UNC79: variants seen among roughly 807,000 people sequenced by gnomAD.
UNC79 encodes the protein protein unc-79 homolog.
In UNC79, 37 loss-of-function variants were observed where a neutral mutation model predicts 283.1. The observed-to-expected ratio is 0.13, with a 90% CI of 0.10 to 0.17. UNC79 has a LOEUF of 0.17. Among genes scored for constraint, UNC79 ranks in the 10% least tolerant of loss-of-function variants. UNC79 has a pLI of 1.00. For synonymous variants in UNC79, 1,107 were observed against 1,200.2 expected (o/e 0.92, Z 1.61); for missense variants, 2,272 against 3,211.1 (o/e 0.71, Z 7.07).
At chr14:93,347,194 A>G (rs1392203422) in intron 1 of UNC79, 3 of 1,486,016 alleles carry the variant, frequency 2.0e-6, no homozygotes, top group Non-Finnish European at 2.7e-6. Flanking sequence ...CTGCCTCACG[A>G]GCACTGGAGC....
At chr14:93,443,497 C>T (rs1012266943) in intron 1 of UNC79, among the ~76,000 whole-genome samples, 2 of 149,500 alleles carry the variant, frequency 1.3e-5, no homozygotes, top group Admixed American at 6.7e-5. Flanking sequence ...AATCTCAGCT[C>T]GCTGCAACCT....
At position 93,634,513 on chromosome 14, in the gene UNC79, C is replaced by T; in HGVS notation, c.5717-2703C>T. On this transcript the variant is annotated intron_variant, in intron 31 of 48. Coordinates refer to ENST00000555664, the Ensembl canonical transcript of UNC79. ...TATTATAATCATCTCCTAATTTCCT[C>T]CATCTAGCTCAGTATAGGCAGATGA... 6.3e-7 allele frequency: 1 copy of T among 1,597,634 alleles called. No homozygotes were observed. Among genetic ancestry groups the T allele is most frequent in the Non-Finnish European group, 8.6e-7 (1 of 1,165,782 alleles).
intron 1 of UNC79, among the ~76,000 whole-genome samples, chr14:93,390,900 TA>T (rs1276912193): frequency 1.3e-5 from 2 of 152,166 alleles, no homozygotes; most frequent in Admixed American, 1.3e-4. Context: ...TCTGTAGATT[TA>T]AAAAAATCCC....
chr14:93,610,835 TC>T (rs1305774401), intron 26 of UNC79, among the ~76,000 whole-genome samples: 3 of 152,192 alleles, frequency 2.0e-5, no homozygotes, highest in Middle Eastern at 3.2e-3. Flanking sequence ...GGTCTCAAAC[TC>T]CTGGGCTCAA....
At chr14:93,583,397 G>A (rs2063962118) in intron 20 of UNC79, among the ~76,000 whole-genome samples, 1 of 152,168 alleles carries the variant, frequency 6.6e-6, no homozygotes, top group African/African-American at 2.4e-5. Context: ...CATGGGCTTG[G>A]CATCATTTCT....
At chr14:93,345,378 A>G (rs552724666) in intron 1 of UNC79, among the ~76,000 whole-genome samples, 1 of 152,356 alleles carries the variant, frequency 6.6e-6, no homozygotes, top group African/African-American at 2.4e-5. Flanking sequence ...ACCAAGGATC[A>G]TAAGATACTT....
chr14:93,528,656 A>G lies in UNC79; in HGVS notation c.1052+10A>G, dbSNP rs75562794. The G allele has an allele frequency of 6.1e-4, 979 of 1,612,234 alleles. 1 individual carries two copies. The highest frequency in any genetic ancestry group is 7.3e-4 in the Non-Finnish European group (860 of 1,178,844). ...GCGAGAGGATTGCAGGGTAGGTATA[A>G]GAGTTCTTAAAGAAAAGGAAATAGG... On this transcript the variant is annotated intron_variant, in intron 9 of 48. Transcript: ENST00000555664.
chr14:93,640,980 T>C (rs1307349234), intron 32 of UNC79, among the ~76,000 whole-genome samples, 165 bp from the exon 36 acceptor site: 2 of 152,206 alleles, frequency 1.3e-5, no homozygotes, highest in African/African-American at 2.4e-5. Flanking sequence ...ACAATCTTTC[T>C]TGACTTCATT....
Position 93,333,564 on chromosome 14 carries a change from T to C in UNC79, c.-351+41T>C, listed in dbSNP as rs2053503488. 1.0e-5 allele frequency: 4 copies of C among 396,826 alleles called. No homozygotes were observed. The East Asian group carries it at 1.4e-4, about 14-fold the overall frequency. 24.6% of individuals were successfully genotyped at this position (396,826 alleles called of 1,614,324 possible). A position where few individuals can be genotyped will look rare whatever the true frequency, so the allele number is the denominator to read the frequency against. On this transcript the variant is annotated intron_variant, in intron 1 of 49. Coordinates refer to the UNC79 transcript ENST00000256339. ...CATGGTACTTTTACAGGCACCACCT[T>C]GCTACTTGTGTAGTAGGTTAAAAAA... is the stretch of plus-strand genomic sequence containing the variant.
chr14:93,639,396 AT>A (rs2068814882), intron 32 of UNC79, among the ~76,000 whole-genome samples: 1 of 152,146 alleles, frequency 6.6e-6, no homozygotes, highest in Non-Finnish European at 1.5e-5. Flanking sequence ...TTACCGTGCT[AT>A]TTAGTAATCA....
intron 2 of UNC79, among the ~76,000 whole-genome samples, chr14:93,473,877 G>C (rs1294715278): frequency 6.6e-6 from 1 of 152,166 alleles, no homozygotes; most frequent in East Asian, 1.9e-4. Context: ...GAGATGCAAT[G>C]AGACTTCCAC....
chr14:93,358,596 C>G (rs904689849), intron 1 of UNC79, among the ~76,000 whole-genome samples: 1 of 152,158 alleles, frequency 6.6e-6, no homozygotes, highest in Non-Finnish European at 1.5e-5. Context: ...GACCCTGCAA[C>G]TTGGAATGGG....
intron 5 of UNC79, among the ~76,000 whole-genome samples, chr14:93,494,456 T>G (rs1322931840): frequency 6.6e-6 from 1 of 152,228 alleles, no homozygotes; most frequent in Non-Finnish European, 1.5e-5. Flanking sequence ...TCTTGAGATC[T>G]GTTTCAGACG....
At chr14:93,381,748 T>C (rs568899368) in intron 1 of UNC79, among the ~76,000 whole-genome samples, 1 of 152,336 alleles carries the variant, frequency 6.6e-6, no homozygotes, top group East Asian at 1.9e-4. Flanking sequence ...CGGGAACTGC[T>C]GGTGTATGAA....
chr14:93,613,100 C>T lies in UNC79; in HGVS notation c.4041+17C>T, dbSNP rs188588374. 41 of 1,613,036 alleles carry T rather than the reference C, an allele frequency of 2.5e-5. No individual in the cohort carries two copies. The African/African-American group carries it at 3.3e-4, about 13-fold the overall frequency. On this transcript the variant is annotated intron_variant, in intron 27 of 48. Coordinates refer to ENST00000555664, the Ensembl canonical transcript of UNC79. ...ATTGCCCAAGTAAGTGTAATAACAG[C>T]TTTCAGAAGTCACACCTTTATACTT... is the stretch of plus-strand genomic sequence containing the variant.
chr14:93,572,193 AT>A, intron 15 of UNC79, 109 bp downstream of exon 15: 1 of 1,201,760 alleles, frequency 8.3e-7, no homozygotes, highest in Non-Finnish European at 1.1e-6. Context: ...AATCTCATTT[AT>A]TTTTTAACCA....
chr14:93,392,814 C>T (rs540268369), intron 1 of UNC79, among the ~76,000 whole-genome samples: 5 of 152,078 alleles, frequency 3.3e-5, no homozygotes, highest in Admixed American at 2.6e-4. Flanking sequence ...CTAATATGTT[C>T]GTGAAGAAAT....
chr14:93,480,660 C>A (rs907750920), intron 4 of UNC79, among the ~76,000 whole-genome samples: 4 of 152,126 alleles, frequency 2.6e-5, no homozygotes, highest in African/African-American at 9.7e-5. Context: ...AGACATAGAT[C>A]CAAAACCAGA....
At position 93,622,679 on chromosome 14, in the gene UNC79, G is replaced by C; in HGVS notation, c.5446G>C (p.Glu1816Gln). Residue 1816 changes from glutamate (E) to glutamine (Q), a missense_variant, in exon 30 of 49, where the codon GAA becomes CAA. Glu to Gln is a conservative substitution (Grantham distance 29). Coordinates refer to ENST00000555664, the Ensembl canonical transcript of UNC79. The stretch of plus-strand genomic sequence containing the variant: ...AGAATCTGATACAGAACAGAATCCT[G>C]AAAGGAAGGTGGAAGAGGATGGAGC... 6.2e-7 allele frequency: 1 copy of C among 1,614,180 alleles called. No individual in the cohort carries two copies. Among genetic ancestry groups the C allele is most frequent in the Admixed American group, 1.7e-5 (1 of 60,022 alleles).
Sources: gnomAD v4.1 joint callset for allele counts (sites outside exome capture counted in the v4.1 genomes callset) on GRCh38, gnomAD v4.1.1 for gene constraint, MANE v1.5 for transcripts, NCBI Gene and HGNC (gene_info 2026-07-23, HGNC 2026-07-21) for gene names.